The following LYSMD2 variants were observed in gnomAD, a reference collection of about 807,000 sequenced individuals.
The protein encoded by LYSMD2 is LysM domain containing 2.
In LYSMD2, 6 loss-of-function variants were observed where a neutral mutation model predicts 17.7. The observed-to-expected ratio is 0.34, with a 90% confidence interval of 0.19 to 0.67. LYSMD2 has a LOEUF of 0.67. Ranked by LOEUF, LYSMD2 falls within the 30% of genes least tolerant of loss-of-function variation. The probability of loss-of-function intolerance (pLI) is 0.69; values close to 1 mark genes in which losing one functional copy is unlikely to be tolerated. For missense variants in LYSMD2, 237 were observed against 286.7 expected, an observed-to-expected ratio of 0.83 and a Z score of 1.25; for synonymous variants, 102 against 129.8, an observed-to-expected ratio of 0.79 and a Z score of 1.45.
chr15:51,738,595 T>G (rs2055627632), upstream of LYSMD2, among the ~76,000 whole-genome samples: 1 of 152,050 alleles, frequency 6.6e-6, no homozygotes, highest in South Asian at 2.1e-4. Flanking sequence ...ATACACAGAG[T>G]GGGTACACAT....
At chr15:51,745,932 T>C (rs74537392) in intron 1 of LYSMD2, among the ~76,000 whole-genome samples, 4,812 of 152,296 alleles carry the variant, frequency 0.032, 122 homozygotes, top group Non-Finnish European at 0.05. Context: ...AGGATGGCTA[T>C]AATTTTAAAA....
At chr15:51,745,466 A>T (rs944537909) in intron 1 of LYSMD2, among the ~76,000 whole-genome samples, 3 of 152,194 alleles carry the variant, frequency 2.0e-5, no homozygotes, top group Non-Finnish European at 4.4e-5. Context: ...AATGTATTAC[A>T]ATATATTAAC....
chr15:51,730,771 G>A (rs2055571398), intron 1 of LYSMD2, among the ~76,000 whole-genome samples: 1 of 152,130 alleles, frequency 6.6e-6, no homozygotes, highest in South Asian at 2.1e-4. Flanking sequence ...CATGTACATA[G>A]CACTGTGTGG....
chr15:51,737,267 C>A lies in LYSMD2; in HGVS notation c.273+83G>T. 7 of 768,372 alleles carry A rather than the reference C, an allele frequency of 9.1e-6. No individual in the cohort carries two copies. The highest frequency in any genetic ancestry group is 6.9e-5 in the South Asian group (2 of 28,984). 47.6% of individuals were successfully genotyped at this position (768,372 alleles called of 1,614,324 possible). A position where few individuals can be genotyped will look rare whatever the true frequency, so the allele number is the denominator to read the frequency against. ...CCCCAAACCCCCACCCGCAGTCCCA[C>A]CCCCACCCCCACCGCACCCCGAGCC... On this transcript the variant is annotated intron_variant, in intron 1 of 2. Coordinates refer to ENST00000267838, the MANE Select transcript of LYSMD2 (RefSeq NM_153374.3). This position sits in a 1 kb window ranked among gnomAD's most constrained non-coding sequence, Gnocchi z 4.2.
intron 1 of LYSMD2, among the ~76,000 whole-genome samples, chr15:51,745,763 C>T (rs1489935612): frequency 6.6e-6 from 1 of 152,014 alleles, no homozygotes; most frequent in Non-Finnish European, 1.5e-5. Context: ...AGCAATAAAA[C>T]AAATAGTCCA....
At chr15:51,731,215 G>C (rs536564473) in intron 1 of LYSMD2, among the ~76,000 whole-genome samples, 33 of 152,052 alleles carry the variant, frequency 2.2e-4, no homozygotes, top group Non-Finnish European at 4.3e-4. Flanking sequence ...ACTTAAGATG[G>C]GTGAATTTTG....
intron 1 of LYSMD2, among the ~76,000 whole-genome samples, chr15:51,747,205 CA>C: frequency 8.4e-6 from 1 of 119,034 alleles, no homozygotes; most frequent in Non-Finnish European, 1.8e-5. Flanking sequence ...GTCTCAAAAC[CA>C]ACAACAACAA....
intron 1 of LYSMD2, among the ~76,000 whole-genome samples, chr15:51,743,929 G>A (rs1037783777): frequency 6.6e-6 from 1 of 152,084 alleles, no homozygotes; most frequent in Admixed American, 6.5e-5. Context: ...TCCAATTACA[G>A]GAAAGCAGTA....
chr15:51,744,976 G>A (rs570570855), intron 1 of LYSMD2, among the ~76,000 whole-genome samples: 1 of 152,162 alleles, frequency 6.6e-6, no homozygotes, highest in Admixed American at 6.5e-5. Flanking sequence ...AATAAAGAAT[G>A]TTATGAACAA....
chr15:51,741,414 A>C (rs1691102437), upstream of LYSMD2, among the ~76,000 whole-genome samples: 1 of 152,246 alleles, frequency 6.6e-6, no homozygotes, highest in African/African-American at 2.4e-5. Flanking sequence ...TTTTGCAACA[A>C]TATTTTTATA....
chr15:51,746,783 C>A (rs902349201), intron 1 of LYSMD2, among the ~76,000 whole-genome samples: 8 of 152,002 alleles, frequency 5.3e-5, no homozygotes, highest in African/African-American at 1.9e-4. Flanking sequence ...AAGTAAATTC[C>A]TGATATTATT....
chr15:51,728,757 C>A (rs1439276742), intron 1 of LYSMD2, among the ~76,000 whole-genome samples: 2 of 152,010 alleles, frequency 1.3e-5, no homozygotes, highest in Non-Finnish European at 2.9e-5. Context: ...GTAATCACAG[C>A]TACTAGGGAG....
intron 1 of LYSMD2, among the ~76,000 whole-genome samples, chr15:51,736,832 A>C (rs2055612216): frequency 6.6e-6 from 1 of 152,180 alleles, no homozygotes; most frequent in Non-Finnish European, 1.5e-5. Flanking sequence ...GTGTAATTTC[A>C]CTTCTACATA....
chr15:51,732,261 C>T (rs2055581723), intron 1 of LYSMD2, among the ~76,000 whole-genome samples: 1 of 152,200 alleles, frequency 6.6e-6, no homozygotes. Flanking sequence ...CCATGGCTAG[C>T]TACTTCATAC....
At chr15:51,751,266 T>C (rs1431789221) in intron 1 of LYSMD2, 2 of 702,146 alleles carry the variant, frequency 2.8e-6, no homozygotes, top group Non-Finnish European at 2.6e-6. Flanking sequence ...GGGCGGGGTC[T>C]GTACCTGAGA....
chr15:51,723,645 C>T lies in LYSMD2; in HGVS notation c.610G>A (p.Glu204Lys). 1 of 1,600,700 alleles carries T rather than the reference C, an allele frequency of 6.2e-7. No homozygotes were observed. The highest frequency in any genetic ancestry group is 1.1e-5 in the South Asian group (1 of 89,210). ...AGGGAAGTTGCATAGGGACTTTCTT[C>T]ATCTCTGAAAGAAAATAAATACAGC... ...AKKLKEESRD[E>K]ESPYATSLYH... Residue 204 changes from glutamate to lysine, a missense_variant, in exon 3 of 3, where the codon GAA becomes AAA. By Grantham distance (56) the Glu-to-Lys change is moderately conservative. Transcript: ENST00000267838.
chr15:51,740,166 C>CCAGG (rs2055635849), upstream of LYSMD2, among the ~76,000 whole-genome samples: 1 of 152,094 alleles, frequency 6.6e-6, no homozygotes, highest in Admixed American at 6.6e-5. Context: ...ATCATGTTGG[C>CCAGG]CAGGCTTCTC....
chr15:51,729,387 GCA>G (rs1373021800), intron 1 of LYSMD2, among the ~76,000 whole-genome samples: 4 of 152,244 alleles, frequency 2.6e-5, no homozygotes, highest in African/African-American at 9.6e-5. Context: ...ACCTGCCATA[GCA>G]CAGACAACAA....
Position 51,725,677 on chromosome 15 carries a change from C to T in LYSMD2, c.274-556G>A, listed in dbSNP as rs79230811. ...TTAAATGAGAGCTTATATACCCACT[C>T]ACATCAAGGAAATATATATATATGA... is the stretch of plus-strand genomic sequence containing the variant. On this transcript the variant is annotated intron_variant, in intron 1 of 2. Coordinates refer to ENST00000267838, the MANE Select transcript of LYSMD2 (RefSeq NM_153374.3). Among the ~76,000 whole-genome samples, 753 of 152,036 alleles carry T rather than the reference C, an allele frequency of 5.0e-3. 27 individuals carry two copies. The East Asian group carries it at 0.082, about 17-fold the overall frequency.
Sources: allele counts gnomAD v4.1 joint callset (sites outside exome capture counted in the v4.1 genomes callset), GRCh38; gene constraint gnomAD v4.1.1; non-coding constraint Gnocchi (gnomAD v3.1); transcripts MANE v1.5; gene names NCBI Gene and HGNC (gene_info 2026-07-23, HGNC 2026-07-21).